Variants in NEO1 observed in about 807,000 individuals in gnomAD.
NEO1 encodes neogenin 1, also known as neogenin.
A neutral mutation model predicts 159.7 loss-of-function variants in NEO1; 63 were observed. The ratio of observed to expected loss-of-function variants is 0.39; its 90% CI spans 0.32 to 0.49. The LOEUF is 0.49. Among genes scored for constraint, NEO1 ranks in the 20% least tolerant of loss-of-function variants. The pLI is 0.85. For missense variants in NEO1, 1,615 were observed against 1,831.0 expected, an observed-to-expected ratio of 0.88 and a Z score of 2.15; for synonymous variants, 633 against 662.0, an observed-to-expected ratio of 0.96 and a Z score of 0.67.
chr15:73,178,290 A>C lies in NEO1; in HGVS notation c.1171-17A>C. On this transcript the variant is annotated splice_polypyrimidine_tract_variant and intron_variant, in intron 6 of 28. Transcript: ENST00000261908. ...TCAATTAAATTATGTAATTTTATTT[A>C]TGCTTTTCTTCTTCAGAAGGAACAT... 1.2e-6 allele frequency: 2 copies of C among 1,605,964 alleles called. No individual in the cohort carries two copies. The highest frequency in any genetic ancestry group is 1.7e-6 in the Non-Finnish European group (2 of 1,174,886).
At chr15:73,165,173 A>G (rs180738232) in intron 5 of NEO1, among the ~76,000 whole-genome samples, 149 of 148,350 alleles carry the variant, frequency 1.0e-3, no homozygotes, top group African/African-American at 3.5e-3. Context: ...AAAACAAGTT[A>G]AGTGTGTGTG....
At chr15:73,088,860 A>G (rs2069516171) in intron 1 of NEO1, among the ~76,000 whole-genome samples, 1 of 152,068 alleles carries the variant, frequency 6.6e-6, no homozygotes, top group African/African-American at 2.4e-5. Context: ...GAGAGAGTAA[A>G]GTCTTGAGGC....
At chr15:73,157,504 T>C (rs2033867348) in intron 5 of NEO1, among the ~76,000 whole-genome samples, 1 of 152,208 alleles carries the variant, frequency 6.6e-6, no homozygotes, top group Non-Finnish European at 1.5e-5. Context: ...ACAGCCTGGA[T>C]TGTACAATTC....
chr15:73,270,432 C>T lies in NEO1; in HGVS notation c.2835C>T (p.Ala945=). 1 of 1,613,498 alleles carries T rather than the reference C, an allele frequency of 6.2e-7. No homozygotes were observed. The highest frequency in any genetic ancestry group is 8.5e-7 in the Non-Finnish European group (1 of 1,179,926). The change falls in exon 18 of 29, where the codon GCC becomes GCT. Residue 945 remains alanine, a synonymous_variant. Transcript: ENST00000261908. ...GRRSSTWSMT[A]HGTTFELVPT... ...GATCAAGTACATGGAGTATGACAGC[C>T]CATGGGACCACCTTTGAATTAGGTA... is the stretch of plus-strand genomic sequence containing the variant.
intron 5 of NEO1, among the ~76,000 whole-genome samples, chr15:73,142,233 G>T (rs2032463727): frequency 6.6e-6 from 1 of 152,144 alleles, no homozygotes; most frequent in Non-Finnish European, 1.5e-5. Flanking sequence ...ACAAGGGACT[G>T]AAGAAGGAAA....
chr15:73,160,231 T>G (rs2034074080), intron 5 of NEO1, among the ~76,000 whole-genome samples: 1 of 152,176 alleles, frequency 6.6e-6, no homozygotes, highest in South Asian at 2.1e-4. Flanking sequence ...ATTCTCTACT[T>G]TCTGCTCAAC....
At chr15:73,151,606 A>G (rs112942755) in intron 5 of NEO1, among the ~76,000 whole-genome samples, 1 of 152,188 alleles carries the variant, frequency 6.6e-6, no homozygotes, top group African/African-American at 2.4e-5. Flanking sequence ...GTCCTTCTTC[A>G]CATGGTGGCA....
At chr15:73,184,852 C>G (rs1247738803) in intron 7 of NEO1, among the ~76,000 whole-genome samples, 1 of 151,964 alleles carries the variant, frequency 6.6e-6, no homozygotes, top group Non-Finnish European at 1.5e-5. Flanking sequence ...CACTTGAACC[C>G]GGGAGGCGAA....
intron 5 of NEO1, among the ~76,000 whole-genome samples, chr15:73,176,095 T>C (rs1308977260): frequency 6.6e-6 from 1 of 152,222 alleles, no homozygotes; most frequent in Non-Finnish European, 1.5e-5. Context: ...GAAGTATTCT[T>C]TAATATTTAT....
At chr15:73,219,702 T>A (rs1185795128) in intron 7 of NEO1, among the ~76,000 whole-genome samples, 3 of 138,368 alleles carry the variant, frequency 2.2e-5, no homozygotes, top group African/African-American at 8.1e-5. Context: ...TCTTTTGATC[T>A]TTGTTGGTTT....
chr15:73,222,081 C>T (rs2619259), intron 7 of NEO1: 14,903 of 139,520 alleles, frequency 0.11, 1,041 homozygotes, highest in African/African-American at 0.18. Context: ...CACTCCTCCC[C>T]CTGTTGGTAA....
At chr15:73,282,123 C>T (rs1020703207) in intron 22 of NEO1, among the ~76,000 whole-genome samples, 1 of 152,160 alleles carries the variant, frequency 6.6e-6, no homozygotes, top group South Asian at 2.1e-4. Context: ...AGGGTCCTTT[C>T]CCTTGTATGA....
At chr15:73,058,030 A>G (rs1268540655) in intron 1 of NEO1, among the ~76,000 whole-genome samples, 2 of 152,064 alleles carry the variant, frequency 1.3e-5, no homozygotes, top group Non-Finnish European at 2.9e-5. Flanking sequence ...GTATGGTTTT[A>G]TTTTTTTACA....
At chr15:73,179,171 A>G (rs1397467470) in intron 7 of NEO1, among the ~76,000 whole-genome samples, 1 of 152,208 alleles carries the variant, frequency 6.6e-6, no homozygotes, top group Non-Finnish European at 1.5e-5. Context: ...AACATAAGGA[A>G]TTAACATTGA....
At position 73,126,520 on chromosome 15, in the gene NEO1, T is replaced by C. The variant is rs1010579828; in HGVS notation, c.828T>C (p.Pro276=). 5.6e-6 allele frequency: 9 copies of C among 1,613,792 alleles called. No individual in the cohort carries two copies. In the African/African-American group the frequency reaches 1.2e-4, roughly 22 times the overall value. ...VVLPCVASGL[P]TPTIKWMKNE... is the part of the protein sequence containing the mutation. The stretch of plus-strand genomic sequence containing the variant: ...TGCCATGTGTTGCTTCAGGACTTCC[T>C]ACTCCAACCATTAAATGGATGAAAA... The change falls in exon 4 of 29, where the codon CCT becomes CCC. Residue 276 remains proline, a synonymous_variant. Coordinates refer to ENST00000261908, the MANE Select transcript of NEO1 (RefSeq NM_002499.4).
At chr15:73,195,744 GT>G (rs2036500326) in intron 7 of NEO1, among the ~76,000 whole-genome samples, 1 of 152,104 alleles carries the variant, frequency 6.6e-6, no homozygotes, top group Admixed American at 6.6e-5. Flanking sequence ...CTAGATTCTG[GT>G]TTGGTGATGA....
In NEO1 at chr15:73,208,664, C is replaced by T. The variant is rs569597793; in HGVS notation, c.1292-27683C>T. 7.0e-4 allele frequency among the ~76,000 whole-genome samples: 106 copies of T among 152,130 alleles called. 3 individuals are homozygous for T. In the South Asian group the frequency reaches 0.019, roughly 28 times the overall value. On this transcript the variant is annotated intron_variant, in intron 7 of 28. Coordinates refer to ENST00000261908, the MANE Select transcript of NEO1 (RefSeq NM_002499.4). ...ATCACTTGAGCCCAGGAGTTCGAGA[C>T]CAACCTGGGCAATATGGTGAAATGC... is the stretch of plus-strand genomic sequence containing the variant.
At chr15:73,278,058 A>C in intron 21 of NEO1, 73 bp from the exon 22 acceptor site, 2 of 1,333,446 alleles carry the variant, frequency 1.5e-6, no homozygotes, top group Admixed American at 2.0e-5. Context: ...TGTTTAAAAC[A>C]CTCCCTAGCT....
intron 1 of NEO1, among the ~76,000 whole-genome samples, chr15:73,106,262 T>C (rs1408619331): frequency 6.6e-6 from 1 of 152,148 alleles, no homozygotes; most frequent in African/African-American, 2.4e-5. Context: ...AACTTGATTA[T>C]TTTAAAACAC....
Sources: allele counts gnomAD v4.1 joint callset (sites outside exome capture counted in the v4.1 genomes callset), GRCh38; gene constraint gnomAD v4.1.1; transcripts MANE v1.5; gene names NCBI Gene and HGNC (gene_info 2026-07-23, HGNC 2026-07-21).